HCN1: variants seen among roughly 807,000 people sequenced by gnomAD.
HCN1 encodes hyperpolarization activated cyclic nucleotide gated potassium channel 1, also known as potassium/sodium hyperpolarization-activated cyclic nucleotide-gated channel 1.
Under a neutral mutation model 78.9 loss-of-function variants are expected in HCN1, and 13 were observed. The ratio of observed to expected loss-of-function variants is 0.16; its 90% CI spans 0.11 to 0.26. The LOEUF is 0.26. HCN1 is among the 10% of genes least tolerant of loss of function. The pLI is 1.00. For missense variants in HCN1, 810 were observed against 1,154.3 expected (o/e 0.70, Z 4.32); for synonymous variants, 552 against 455.5 (o/e 1.21, Z -2.70).
chr5:45,546,362 G>T (rs1743227750), intron 2 of HCN1, among the ~76,000 whole-genome samples: 2 of 151,064 alleles, frequency 1.3e-5, no homozygotes, highest in South Asian at 2.1e-4. Flanking sequence ...TTAAAAATTT[G>T]CCTTGATGTT....
chr5:45,349,658 T>G (rs1173193280), intron 5 of HCN1, among the ~76,000 whole-genome samples: 1 of 151,640 alleles, frequency 6.6e-6, no homozygotes, highest in Non-Finnish European at 1.5e-5. Flanking sequence ...GAGAAAAGAA[T>G]GAAATAGATG....
intron 2 of HCN1, among the ~76,000 whole-genome samples, chr5:45,578,846 A>T (rs1743999486): frequency 6.6e-6 from 1 of 152,066 alleles, no homozygotes; most frequent in Non-Finnish European, 1.5e-5. Flanking sequence ...ATATATTTTT[A>T]GTATTCTCAG....
At chr5:45,668,264 G>A (rs1485798370) in intron 1 of HCN1, among the ~76,000 whole-genome samples, 2 of 151,778 alleles carry the variant, frequency 1.3e-5, no homozygotes, top group Non-Finnish European at 2.9e-5. Flanking sequence ...TGTAATCCCC[G>A]TGTGTGGAAG....
intron 6 of HCN1, among the ~76,000 whole-genome samples, chr5:45,272,189 G>A (rs951686474): frequency 6.6e-6 from 1 of 152,018 alleles, no homozygotes; most frequent in African/African-American, 2.4e-5. Flanking sequence ...TCTACTTATT[G>A]AGTAAACACA....
chr5:45,695,544 C>G, intron 1 of HCN1, 125 bp downstream of exon 1: 1 of 950,078 alleles, frequency 1.1e-6, no homozygotes, highest in Non-Finnish European at 1.6e-6. Flanking sequence ...CCCGAGCCGA[C>G]GCCGCCGGCA....
intron 3 of HCN1, among the ~76,000 whole-genome samples, chr5:45,404,693 C>CAAAAAAAAAAAAAAAA (rs60728403): frequency 2.1e-4 from 12 of 56,230 alleles, no homozygotes; most frequent in East Asian, 1.5e-3. Context: ...GGGCTATTTG[C>CAAAAAAAAAAAAAAAA]AAAAAAAAAA....
At chr5:45,497,853 G>T (rs13181010) in intron 2 of HCN1, among the ~76,000 whole-genome samples, 25 of 149,872 alleles carry the variant, frequency 1.7e-4, no homozygotes, top group South Asian at 6.3e-4. Context: ...GAAGCTTAGT[G>T]TGGCTGGATA....
intron 5 of HCN1, among the ~76,000 whole-genome samples, chr5:45,327,697 G>A (rs777793239): frequency 1.6e-4 from 24 of 151,680 alleles, no homozygotes; most frequent in African/African-American, 5.8e-4. Flanking sequence ...AGGTAATTAA[G>A]TTAAAATTAA....
chr5:45,423,924 G>T (rs1392372502), intron 3 of HCN1, among the ~76,000 whole-genome samples: 1 of 151,818 alleles, frequency 6.6e-6, no homozygotes, highest in African/African-American at 2.4e-5. Context: ...TCCTGATCTT[G>T]CTAAATTCAT....
intron 2 of HCN1, among the ~76,000 whole-genome samples, chr5:45,569,786 A>G (rs181516768): frequency 2.6e-5 from 4 of 152,102 alleles, no homozygotes; most frequent in Admixed American, 2.0e-4. Flanking sequence ...ATTAATCTAT[A>G]TTTTTACAAG....
Position 45,599,914 on chromosome 5 carries a change from C to T in HCN1, c.849+45271G>A, listed in dbSNP as rs111686282. 2.6e-5 allele frequency among the ~76,000 whole-genome samples: 4 copies of T among 151,736 alleles called. 1 individual carries two copies. Among genetic ancestry groups the T allele is most frequent in the African/African-American group, 9.7e-5 (4 of 41,362 alleles). On this transcript the variant is annotated intron_variant, in intron 2 of 7. Transcript: ENST00000303230. ...ACTGCAGTTCTTAACATGGAAGTTT[C>T]TTCTTTCTCATCAAGACCACACAGA...
rs750304269 is a variant in HCN1, at chr5:45,262,644, T to C, written c.1950A>G (p.Thr650=). The change falls in exon 8 of 8, where the codon ACA becomes ACG. Residue 650 remains threonine, a synonymous_variant. Transcript: ENST00000303230. ...NYPQMTTLNS[T]SSTTTPTSRM... ...GGGAGGTCGGGGTCGTAGTAGACGATGTGGAATTCAGGGTTGTCATTTGAG... is the reference window on the plus strand; with the variant it reads ...GGGAGGTCGGGGTCGTAGTAGACGACGTGGAATTCAGGGTTGTCATTTGAG... 38 of 1,613,976 alleles carry C rather than the reference T, an allele frequency of 2.4e-5. No homozygotes were observed. The highest frequency in any genetic ancestry group is 3.2e-5 in the Non-Finnish European group (38 of 1,179,986).
At chr5:45,427,161 T>A (rs1256916580) in intron 3 of HCN1, among the ~76,000 whole-genome samples, 1 of 152,150 alleles carries the variant, frequency 6.6e-6, no homozygotes, top group Non-Finnish European at 1.5e-5. Context: ...ATTGGTCAGC[T>A]GTATTTTTCT....
chr5:45,391,032 C>CG (rs1739549350), intron 4 of HCN1, among the ~76,000 whole-genome samples: 1 of 151,922 alleles, frequency 6.6e-6, no homozygotes, highest in East Asian at 1.9e-4. Flanking sequence ...TAACATACCA[C>CG]GGTATGTTAA....
chr5:45,328,727 A>C (rs2111948392), intron 5 of HCN1, among the ~76,000 whole-genome samples: 1 of 151,694 alleles, frequency 6.6e-6, no homozygotes, highest in Admixed American at 6.6e-5. Flanking sequence ...ATATTTTCAG[A>C]CCAGAGTTAT....
At chr5:45,547,627 A>T (rs1304668286) in intron 2 of HCN1, among the ~76,000 whole-genome samples, 1 of 151,920 alleles carries the variant, frequency 6.6e-6, no homozygotes, top group African/African-American at 2.4e-5. Context: ...ATATCAATGT[A>T]TATTAAAATG....
intron 6 of HCN1, among the ~76,000 whole-genome samples, chr5:45,299,282 A>T (rs1025427748): frequency 5.9e-5 from 9 of 152,168 alleles, no homozygotes; most frequent in Admixed American, 4.6e-4. Context: ...ATAGCAATGA[A>T]AGATGTTTAC....
chr5:45,324,012 A>C (rs893550596), intron 5 of HCN1, among the ~76,000 whole-genome samples: 3 of 151,998 alleles, frequency 2.0e-5, no homozygotes, highest in Non-Finnish European at 4.4e-5. Context: ...ATAGTGCCGC[A>C]ATAAACATAC....
chr5:45,326,349 C>A (rs1242946902), intron 5 of HCN1, among the ~76,000 whole-genome samples: 2 of 151,524 alleles, frequency 1.3e-5, no homozygotes, highest in African/African-American at 4.8e-5. Context: ...TAGTTGTAAC[C>A]ATAATGTATA....
Sources: gnomAD v4.1 joint callset for allele counts (sites outside exome capture counted in the v4.1 genomes callset) on GRCh38, gnomAD v4.1.1 for gene constraint, MANE v1.5 for transcripts, NCBI Gene and HGNC (gene_info 2026-07-23, HGNC 2026-07-21) for gene names.